The following BBS9 variants were observed in gnomAD, a reference collection of about 807,000 sequenced individuals.
BBS9 encodes protein PTHB1.
Under a neutral mutation model 117.7 loss-of-function variants are expected in BBS9, and 89 were observed. The observed-to-expected ratio is 0.76, with a 90% CI of 0.64 to 0.90. The LOEUF (loss-of-function observed/expected upper bound fraction) is 0.90, where lower values mean the gene tolerates loss of function less well. BBS9 is among the 40% of genes least tolerant of loss of function. The pLI is 0.00. For synonymous variants in BBS9, 379 were observed against 370.9 expected, an observed-to-expected ratio of 1.02 and a Z score of -0.25; for missense variants, 982 against 1,042.2, an observed-to-expected ratio of 0.94 and a Z score of 0.80.
At chr7:33,499,406 C>T (rs926394127) in intron 19 of BBS9, among the ~76,000 whole-genome samples, 2 of 152,154 alleles carry the variant, frequency 1.3e-5, no homozygotes, top group African/African-American at 4.8e-5. Flanking sequence ...TCCAGCACAG[C>T]CTATTGCATT....
At chr7:33,172,205 C>T (rs1796684045) in intron 4 of BBS9, among the ~76,000 whole-genome samples, 1 of 151,956 alleles carries the variant, frequency 6.6e-6, no homozygotes, top group Non-Finnish European at 1.5e-5. Context: ...ACCGTGAAAC[C>T]CCATCTCTAC....
At chr7:33,512,414 TA>T (rs1014406372) in intron 20 of BBS9, among the ~76,000 whole-genome samples, 10 of 152,154 alleles carry the variant, frequency 6.6e-5, no homozygotes, top group Admixed American at 6.5e-5. Flanking sequence ...ATAAGGAGAC[TA>T]AAAAAACAAA....
At chr7:33,203,898 T>A (rs1379021816) in intron 5 of BBS9, among the ~76,000 whole-genome samples, 1 of 150,910 alleles carries the variant, frequency 6.6e-6, no homozygotes, top group Non-Finnish European at 1.5e-5. Context: ...AATTTTTGTA[T>A]TTTTAGTAGA....
chr7:33,346,011 C>T (rs1315751523), intron 12 of BBS9, among the ~76,000 whole-genome samples: 1 of 152,124 alleles, frequency 6.6e-6, no homozygotes, highest in African/African-American at 2.4e-5. Flanking sequence ...GGAAAATTCT[C>T]CTTCTGTTCG....
rs1394935718 is a variant in BBS9 at position 33,388,179 on chromosome 7, G to A, written c.2115+35G>A. ...ATATCAGTAACAGTTTTCTATTACT[G>A]GCTATACTTTTTTTTGTCACCCTAG... On this transcript the variant is annotated intron_variant, in intron 19 of 22. Coordinates refer to ENST00000242067, the MANE Select transcript of BBS9 (RefSeq NM_198428.3). The A allele has an allele frequency of 1.9e-6, 3 of 1,609,390 alleles. No individual in the cohort carries two copies. The African/African-American group carries it at 4.0e-5, about 22-fold the overall frequency.
At chr7:33,612,053 A>G (rs959642051) in intron 21 of BBS9, among the ~76,000 whole-genome samples, 2 of 151,022 alleles carry the variant, frequency 1.3e-5, no homozygotes, top group African/African-American at 4.9e-5. Flanking sequence ...CTTATCTTCT[A>G]TTGTGTAGAA....
intron 21 of BBS9, among the ~76,000 whole-genome samples, chr7:33,543,695 C>T (rs1019033213): frequency 6.6e-5 from 10 of 152,236 alleles, no homozygotes; most frequent in East Asian, 1.9e-4. Flanking sequence ...GATCTTTTTG[C>T]GATGAATTTC....
chr7:33,275,661 T>C (rs1451832036), intron 9 of BBS9, among the ~76,000 whole-genome samples: 2 of 152,210 alleles, frequency 1.3e-5, no homozygotes, highest in Non-Finnish European at 2.9e-5. Flanking sequence ...GGTGTGTATT[T>C]TGAGCACAGG....
intron 17 of BBS9, among the ~76,000 whole-genome samples, chr7:33,372,982 G>T (rs1256737825): frequency 6.6e-6 from 1 of 152,014 alleles, no homozygotes; most frequent in Non-Finnish European, 1.5e-5. Flanking sequence ...TATTTCTGTA[G>T]TATCAGATGT....
chr7:33,512,859 A>G (rs1357742475), intron 20 of BBS9, among the ~76,000 whole-genome samples: 2 of 152,194 alleles, frequency 1.3e-5, no homozygotes, highest in Non-Finnish European at 2.9e-5. Context: ...ATCTTTCTGG[A>G]AACGCCCCTT....
At chr7:33,258,345 A>G (rs1016941445) in intron 6 of BBS9, among the ~76,000 whole-genome samples, 7 of 152,190 alleles carry the variant, frequency 4.6e-5, no homozygotes, top group African/African-American at 7.2e-5. Context: ...TTTTGTCTTC[A>G]TGTTTCAATG....
intron 19 of BBS9, among the ~76,000 whole-genome samples, chr7:33,421,023 C>T (rs541939076): frequency 1.3e-5 from 2 of 152,002 alleles, no homozygotes; most frequent in Admixed American, 1.3e-4. Flanking sequence ...TGCTTTTCAG[C>T]GAAAGAACTT....
At chr7:33,545,213 G>C (rs1853105448) in intron 21 of BBS9, among the ~76,000 whole-genome samples, 2 of 152,144 alleles carry the variant, frequency 1.3e-5, no homozygotes, top group South Asian at 2.1e-4. Context: ...TGACCAGGAG[G>C]CTTCTTGTCC....
chr7:33,623,027 C>T (rs1349420), intron 21 of BBS9, among the ~76,000 whole-genome samples: 13,826 of 152,098 alleles, frequency 0.091, 1,046 homozygotes, highest in East Asian at 0.31. Context: ...TCCTTAATTT[C>T]ATCATAGCCT....
At chr7:33,606,834 GC>G (rs920262343), downstream of BBS9, among the ~76,000 whole-genome samples, 1 of 151,872 alleles carries the variant, frequency 6.6e-6, no homozygotes, top group African/African-American at 2.4e-5. Context: ...CTATTTTCTG[GC>G]CCTTTATTAT....
intron 19 of BBS9, among the ~76,000 whole-genome samples, chr7:33,478,054 C>T (rs7798938): frequency 0.15 from 23,392 of 151,874 alleles, 2,477 homozygotes; most frequent in East Asian, 0.48. Flanking sequence ...TCTCTTGCTA[C>T]AAGGAAGTAG....
intron 21 of BBS9, among the ~76,000 whole-genome samples, chr7:33,597,797 A>G (rs1436602396): frequency 6.6e-6 from 1 of 152,004 alleles, no homozygotes; most frequent in Non-Finnish European, 1.5e-5. Flanking sequence ...GATATCTACT[A>G]CATGAAAGTG....
At chr7:33,485,567 C>T (rs1225606073) in intron 19 of BBS9, among the ~76,000 whole-genome samples, 2 of 152,008 alleles carry the variant, frequency 1.3e-5, no homozygotes, top group African/African-American at 2.4e-5. Context: ...CCTCGGCTTC[C>T]CAAAGTGCTG....
chr7:33,427,108 A>G (rs2128870300), intron 19 of BBS9, among the ~76,000 whole-genome samples: 1 of 152,224 alleles, frequency 6.6e-6, no homozygotes, highest in East Asian at 1.9e-4. Flanking sequence ...TGCAGATGTC[A>G]CCTTCTTGGC....
Sources: gnomAD v4.1 joint callset for allele counts (sites outside exome capture counted in the v4.1 genomes callset) on GRCh38, gnomAD v4.1.1 for gene constraint, MANE v1.5 for transcripts, NCBI Gene and HGNC (gene_info 2026-07-23, HGNC 2026-07-21) for gene names.